The following BCAS1 variants were observed in gnomAD, a reference collection of about 807,000 sequenced individuals.
BCAS1 encodes brain enriched myelin associated protein 1.
Under a neutral mutation model 65.4 loss-of-function variants are expected in BCAS1, and 46 were observed. The ratio of observed to expected loss-of-function variants is 0.70; its 90% CI spans 0.55 to 0.90. The LOEUF is 0.90. Ranked by LOEUF, BCAS1 falls within the 40% of genes least tolerant of loss-of-function variation. The pLI is 0.00. For missense variants in BCAS1, 793 were observed against 771.2 expected, an observed-to-expected ratio of 1.03 and a Z score of -0.33; for synonymous variants, 298 against 293.5, an observed-to-expected ratio of 1.02 and a Z score of -0.16.
chr20:53,998,953 A>G (rs989182472), intron 4 of BCAS1, among the ~76,000 whole-genome samples: 2 of 152,204 alleles, frequency 1.3e-5, no homozygotes, highest in Admixed American at 1.3e-4. Flanking sequence ...AGGCTCAGAG[A>G]GTTTAGGTTA....
intron 4 of BCAS1, among the ~76,000 whole-genome samples, chr20:54,024,096 T>G (rs1014075140): frequency 1.6e-4 from 25 of 152,214 alleles, no homozygotes. Flanking sequence ...GATACTATTA[T>G]TATCCCCATT....
intron 3 of BCAS1, among the ~76,000 whole-genome samples, chr20:54,054,560 A>T (rs750252275): frequency 1.2e-4 from 19 of 152,212 alleles, no homozygotes; most frequent in Non-Finnish European, 2.8e-4. Context: ...GACAACAATA[A>T]GCTTAAAAGG....
At chr20:54,003,871 G>A (rs2091119366) in intron 4 of BCAS1, among the ~76,000 whole-genome samples, 1 of 152,208 alleles carries the variant, frequency 6.6e-6, no homozygotes, top group South Asian at 2.1e-4. Flanking sequence ...TCTAATATGA[G>A]TTGAACTTTT....
chr20:53,998,194 T>G (rs988898795), intron 4 of BCAS1, among the ~76,000 whole-genome samples: 1 of 152,170 alleles, frequency 6.6e-6, no homozygotes, highest in Non-Finnish European at 1.5e-5. Context: ...TGGCAGTGTC[T>G]GGACAAGCAG....
chr20:53,988,465 C>A (rs1413236857), intron 7 of BCAS1, among the ~76,000 whole-genome samples: 1 of 152,196 alleles, frequency 6.6e-6, no homozygotes, highest in African/African-American at 2.4e-5. Flanking sequence ...GTTTTAAGCA[C>A]CTGAATGTCC....
At chr20:53,972,798 C>T (rs773639978) in intron 9 of BCAS1, among the ~76,000 whole-genome samples, 1 of 152,096 alleles carries the variant, frequency 6.6e-6, no homozygotes, top group Non-Finnish European at 1.5e-5. Flanking sequence ...TTCACAAGAA[C>T]CCGAAAGTGT....
chr20:54,035,064 G>T (rs998360261), intron 3 of BCAS1, among the ~76,000 whole-genome samples: 1 of 151,140 alleles, frequency 6.6e-6, no homozygotes, highest in Non-Finnish European at 1.5e-5. Context: ...AAAAGTGCTG[G>T]GATAACCGGC....
chr20:54,032,317 A>T (rs945878803), intron 3 of BCAS1, among the ~76,000 whole-genome samples: 1 of 151,462 alleles, frequency 6.6e-6, no homozygotes, highest in Non-Finnish European at 1.5e-5. Context: ...TCCTTGCAAC[A>T]GTTCCTAAAG....
At chr20:54,040,260 A>G (rs2091967103) in intron 3 of BCAS1, among the ~76,000 whole-genome samples, 1 of 151,306 alleles carries the variant, frequency 6.6e-6, no homozygotes, top group Non-Finnish European at 1.5e-5. Flanking sequence ...TTATTTTCTT[A>G]AAAAGGCTCT....
chr20:53,952,645 A>T (rs976570227), intron 12 of BCAS1, among the ~76,000 whole-genome samples: 1 of 152,246 alleles, frequency 6.6e-6, no homozygotes, highest in Admixed American at 6.5e-5. Context: ...ACAAATAGCC[A>T]TGTTGCAGCC....
Position 54,055,064 on chromosome 20 carries a change from G to A in BCAS1, c.142+3021C>T, listed in dbSNP as rs1483957139. ...AAGAGAAAGTGAGATGGAGGATGGA[G>A]AGAAGGATAGAGAAGAGGCTTTCTC... On this transcript the variant is annotated intron_variant, in intron 3 of 12. Coordinates refer to ENST00000688948, the MANE Select transcript of BCAS1 (RefSeq NM_001366298.2). Among the ~76,000 whole-genome samples, 4 of 152,234 alleles carry A rather than the reference G, an allele frequency of 2.6e-5. No individual in the cohort carries two copies. In the East Asian group the frequency reaches 7.7e-4, roughly 29 times the overall value.
chr20:54,039,841 G>A (rs1223403469), intron 3 of BCAS1, among the ~76,000 whole-genome samples: 1 of 151,072 alleles, frequency 6.6e-6, no homozygotes, highest in Non-Finnish European at 1.5e-5. Context: ...ATTGAACTTT[G>A]TTTATACTCA....
At chr20:54,020,258 A>G (rs1032420586) in intron 4 of BCAS1, among the ~76,000 whole-genome samples, 4 of 152,276 alleles carry the variant, frequency 2.6e-5, no homozygotes, top group Admixed American at 6.5e-5. Flanking sequence ...AGCCGTTACA[A>G]CTTCTGAGGG....
chr20:53,979,132 G>T (rs538493466), intron 8 of BCAS1, among the ~76,000 whole-genome samples: 10 of 152,274 alleles, frequency 6.6e-5, no homozygotes, highest in African/African-American at 1.7e-4. Context: ...GTATGTTTAT[G>T]GGGGAGGGGT....
chr20:53,955,702 G>A (rs1388168042), intron 11 of BCAS1, among the ~76,000 whole-genome samples: 3 of 152,172 alleles, frequency 2.0e-5, no homozygotes, highest in Non-Finnish European at 4.4e-5. Context: ...GCTAAAAATG[G>A]AAAGGACACA....
At chr20:54,065,384 G>A (rs6127080) in intron 1 of BCAS1, among the ~76,000 whole-genome samples, 21,135 of 152,174 alleles carry the variant, frequency 0.14, 1,942 homozygotes, top group East Asian at 0.32. Context: ...GGAGCACAGC[G>A]TTTCTGGAGT....
At chr20:54,050,812 T>A (rs2092198948) in intron 3 of BCAS1, among the ~76,000 whole-genome samples, 1 of 152,202 alleles carries the variant, frequency 6.6e-6, no homozygotes, top group Admixed American at 6.5e-5. Flanking sequence ...CTTTTAAAAC[T>A]ATGTTTTTGT....
chr20:54,008,004 G>A (rs1362744064), intron 4 of BCAS1, among the ~76,000 whole-genome samples: 3 of 152,154 alleles, frequency 2.0e-5, no homozygotes, highest in Non-Finnish European at 4.4e-5. Context: ...AACACCTATA[G>A]GCTCTGACAT....
rs868170599 is a variant in BCAS1, at chr20:53,957,335, A to T, written c.1551+97T>A. ...GTGCTTAATCCTGAGATATTAAATG[A>T]GTTGGCTGTGGCTGAGAATTTTATT... On this transcript the variant is annotated intron_variant, in intron 11 of 12. Coordinates refer to ENST00000688948, the MANE Select transcript of BCAS1 (RefSeq NM_001366298.2). The T allele has an allele frequency of 2.0e-4, 225 of 1,109,002 alleles. 2 individuals carry two copies. The highest frequency in any genetic ancestry group is 7.9e-4 in the Middle Eastern group (4 of 5,074). The allele number at this position is 1,109,002 out of a possible 1,614,324, so 68.7% of individuals were successfully genotyped here.
Sources: gnomAD v4.1 joint callset for allele counts (sites outside exome capture counted in the v4.1 genomes callset) on GRCh38, gnomAD v4.1.1 for gene constraint, MANE v1.5 for transcripts, NCBI Gene and HGNC (gene_info 2026-07-23, HGNC 2026-07-21) for gene names.